Variants in KCNH7 observed in about 807,000 individuals in gnomAD.
KCNH7 encodes potassium voltage-gated channel subfamily H member 7.
Under a neutral mutation model 120.8 loss-of-function variants are expected in KCNH7, and 49 were observed. The observed-to-expected ratio is 0.41, with a 90% CI of 0.32 to 0.51. The LOEUF is 0.51. KCNH7 is among the 20% of genes least tolerant of loss of function. The pLI is 0.38. For missense variants in KCNH7, 1,097 were observed against 1,446.6 expected (o/e 0.76, Z 3.92); for synonymous variants, 547 against 516.1 (o/e 1.06, Z -0.81).
chr2:162,753,008 GAA>G (rs1415997061), intron 2 of KCNH7, among the ~76,000 whole-genome samples: 1 of 147,176 alleles, frequency 6.8e-6, no homozygotes, highest in Non-Finnish European at 1.5e-5. Flanking sequence ...GAAAAGAAAA[GAA>G]AAGAAAAGAA....
intron 2 of KCNH7, among the ~76,000 whole-genome samples, chr2:162,722,816 T>TTTTTTTTTTC (rs1687372005): frequency 6.9e-6 from 1 of 144,204 alleles, no homozygotes; most frequent in Non-Finnish European, 1.5e-5. Context: ...TTTTTTTCTT[T>TTTTTTTTTTC]TTTTTTTTTT....
Position 162,766,894 on chromosome 2 carries a change from CACACACACACATAA to C in KCNH7, c.307+69629_307+69642del, listed in dbSNP as rs1472292770. Among the ~76,000 whole-genome samples the C allele has an allele frequency of 2.2e-3, 330 of 149,678 alleles. 1 individual carries two copies. Among genetic ancestry groups the C allele is most frequent in the African/African-American group, 7.4e-3 (290 of 39,326 alleles). ...ACACACACACACACACACACACACA[CACACACACACATAA>C]ACACACATCATTTTTATTTCTACAC... On this transcript the variant is annotated intron_variant, in intron 2 of 15. Transcript: ENST00000332142.
chr2:162,780,981 A>T (rs1683459109), intron 2 of KCNH7, among the ~76,000 whole-genome samples: 1 of 152,116 alleles, frequency 6.6e-6, no homozygotes, highest in African/African-American at 2.4e-5. Flanking sequence ...ATTATATCCT[A>T]TTGTATATAT....
intron 2 of KCNH7, among the ~76,000 whole-genome samples, chr2:162,546,995 T>C (rs1294525554): frequency 1.3e-5 from 2 of 152,134 alleles, no homozygotes; most frequent in Non-Finnish European, 2.9e-5. Context: ...TATCTGAGAC[T>C]GGGTAATTCA....
At chr2:162,475,270 G>A (rs536223529) in intron 6 of KCNH7, among the ~76,000 whole-genome samples, 20 of 152,258 alleles carry the variant, frequency 1.3e-4, no homozygotes, top group Middle Eastern at 3.4e-3. Flanking sequence ...GGACATTACC[G>A]TGTCTAATTG....
intron 6 of KCNH7, among the ~76,000 whole-genome samples, chr2:162,448,399 T>C (rs1285270003): frequency 1.3e-5 from 2 of 152,106 alleles, no homozygotes; most frequent in African/African-American, 4.8e-5. Context: ...TATGGACCCA[T>C]TCCATCTTTC....
At chr2:162,394,727 T>C (rs1168279068) in intron 11 of KCNH7, among the ~76,000 whole-genome samples, 4 of 151,902 alleles carry the variant, frequency 2.6e-5, no homozygotes, top group South Asian at 2.1e-4. Flanking sequence ...GAGTTATTTA[T>C]GTGAAATGTT....
chr2:162,619,665 GAA>G (rs1320371449), intron 2 of KCNH7, among the ~76,000 whole-genome samples: 3 of 151,834 alleles, frequency 2.0e-5, no homozygotes, highest in Non-Finnish European at 4.4e-5. Context: ...TATCAATGGT[GAA>G]AAAAATTATC....
intron 2 of KCNH7, among the ~76,000 whole-genome samples, chr2:162,690,709 C>G (rs968419686): frequency 1.4e-5 from 2 of 143,684 alleles, no homozygotes; most frequent in Non-Finnish European, 3.0e-5. Flanking sequence ...CCAACAAGGA[C>G]AAAGAGAAGG....
At chr2:162,376,477 G>A (rs537547365) in intron 14 of KCNH7, among the ~76,000 whole-genome samples, 1 of 151,008 alleles carries the variant, frequency 6.6e-6, no homozygotes, top group South Asian at 2.1e-4. Context: ...GCAATTCTCT[G>A]CCTCAGCCTC....
At chr2:162,669,277 T>G (rs1445847897) in intron 2 of KCNH7, among the ~76,000 whole-genome samples, 1 of 152,174 alleles carries the variant, frequency 6.6e-6, no homozygotes, top group East Asian at 1.9e-4. Context: ...AAATGTAGAC[T>G]GACTTACATT....
intron 2 of KCNH7, among the ~76,000 whole-genome samples, chr2:162,568,011 T>C (rs1364617384): frequency 6.6e-6 from 1 of 152,038 alleles, no homozygotes; most frequent in Non-Finnish European, 1.5e-5. Flanking sequence ...GGGTAATTTA[T>C]AAATTAAAAA....
At chr2:162,663,810 T>C (rs1685048192) in intron 2 of KCNH7, among the ~76,000 whole-genome samples, 1 of 152,144 alleles carries the variant, frequency 6.6e-6, no homozygotes. Flanking sequence ...TTACAATAAA[T>C]TGAGCTATGT....
At chr2:162,485,688 T>G (rs1161039090) in intron 6 of KCNH7, among the ~76,000 whole-genome samples, 2 of 152,108 alleles carry the variant, frequency 1.3e-5, no homozygotes, top group East Asian at 3.9e-4. Flanking sequence ...AGCAATCAAT[T>G]TTAGCAGTAA....
At chr2:162,761,623 CTG>C (rs1688969405) in intron 2 of KCNH7, among the ~76,000 whole-genome samples, 1 of 152,074 alleles carries the variant, frequency 6.6e-6, no homozygotes, top group African/African-American at 2.4e-5. Context: ...GGTAAGGAAA[CTG>C]TAGGTTAGAG....
At chr2:162,453,007 A>G (rs1422319895) in intron 6 of KCNH7, among the ~76,000 whole-genome samples, 2 of 152,062 alleles carry the variant, frequency 1.3e-5, no homozygotes, top group African/African-American at 4.8e-5. Flanking sequence ...TTTGTTACAT[A>G]GGTATACATG....
At chr2:162,474,904 G>A (rs1263597970) in intron 6 of KCNH7, among the ~76,000 whole-genome samples, 2 of 152,196 alleles carry the variant, frequency 1.3e-5, no homozygotes, top group Non-Finnish European at 2.9e-5. Context: ...GAAACCAGCT[G>A]CCATGATTGC....
intron 9 of KCNH7, among the ~76,000 whole-genome samples, chr2:162,403,064 C>A (rs922799277): frequency 1.3e-5 from 2 of 151,858 alleles, no homozygotes; most frequent in Non-Finnish European, 2.9e-5. Flanking sequence ...AGAGTTGTGG[C>A]CACAATTTAA....
At chr2:162,433,822 G>A (rs1251682496) in intron 8 of KCNH7, among the ~76,000 whole-genome samples, 1 of 151,876 alleles carries the variant, frequency 6.6e-6, no homozygotes, top group Non-Finnish European at 1.5e-5. Context: ...CAGTTTGAAG[G>A]TTTCTCAAAC....
Sources: gnomAD v4.1 joint callset for allele counts (sites outside exome capture counted in the v4.1 genomes callset) on GRCh38, gnomAD v4.1.1 for gene constraint, MANE v1.5 for transcripts, NCBI Gene and HGNC (gene_info 2026-07-23, HGNC 2026-07-21) for gene names.